The following MCOLN2 variants were observed in gnomAD, a reference collection of about 807,000 sequenced individuals.
MCOLN2 encodes the protein mucolipin TRP cation channel 2, also known as mucolipin-2.
Under a neutral mutation model 67.5 loss-of-function variants are expected in MCOLN2, and 57 were observed. The ratio of observed to expected loss-of-function variants is 0.84; its 90% CI spans 0.68 to 1.05. MCOLN2 has a LOEUF of 1.05. Among genes scored for constraint, MCOLN2 ranks in the 50% least tolerant of loss-of-function variants. MCOLN2 has a pLI of 0.00. For synonymous variants in MCOLN2, 246 were observed against 233.3 expected (o/e 1.05, Z -0.50); for missense variants, 620 against 678.8 (o/e 0.91, Z 0.96).
intron 1 of MCOLN2, 47 bp downstream of exon 1, chr1:84,996,749 G>A (rs1210144512): frequency 1.3e-6 from 2 of 1,551,302 alleles, no homozygotes; most frequent in East Asian, 4.5e-5. Flanking sequence ...ACTTTAGGAA[G>A]ATTTCTCCAG....
intron 2 of MCOLN2, 51 bp downstream of exon 2, chr1:84,965,498 G>C (rs1457661725): frequency 1.3e-5 from 21 of 1,579,462 alleles, no homozygotes; most frequent in Non-Finnish European, 1.7e-5. Flanking sequence ...CATGAAAAGA[G>C]TTTTGTCTTG....
At chr1:84,965,800 A>C in intron 1 of MCOLN2, 92 bp from the exon 2 acceptor site, 1 of 1,191,904 alleles carries the variant, frequency 8.4e-7, no homozygotes, top group Non-Finnish European at 1.2e-6. Context: ...GAGTTGGTAC[A>C]TATGGCATGT....
At chr1:84,951,898 C>T (rs1199494028) in intron 6 of MCOLN2, among the ~76,000 whole-genome samples, 3 of 151,990 alleles carry the variant, frequency 2.0e-5, no homozygotes, top group African/African-American at 7.3e-5. Context: ...CATGGCAAAA[C>T]CCTGTCTTGT....
chr1:84,940,643 TATC>T (rs1647715252), intron 8 of MCOLN2, among the ~76,000 whole-genome samples: 1 of 152,226 alleles, frequency 6.6e-6, no homozygotes, highest in Admixed American at 6.5e-5. Flanking sequence ...CATCTGTACA[TATC>T]AGCTCAGTTT....
Position 84,931,524 on chromosome 1 carries a change from G to A in MCOLN2, c.1380C>T (p.Val460=). The change falls in exon 12 of 14, where the codon GTC becomes GTT. Residue 460 remains valine (V), a synonymous_variant. Transcript: ENST00000370608. ...NTVAECLFSL[V]NGDDMFATFA... ...AGGTTGCAAACATGTCATCACCGTT[G>A]ACCAGAGAAAACAGACACTCAGCAA... is the stretch of plus-strand genomic sequence containing the variant. 2 of 1,614,058 alleles carry A rather than the reference G, an allele frequency of 1.2e-6. No individual in the cohort carries two copies. Among genetic ancestry groups the A allele is most frequent in the Non-Finnish European group, 1.7e-6 (2 of 1,179,984 alleles).
rs534158356 is a variant in MCOLN2 at position 84,931,642 on chromosome 1, T to C, written c.1336-74A>G. The C allele has an allele frequency of 7.3e-6, 9 of 1,235,892 alleles. No individual in the cohort carries two copies. The South Asian group carries it at 1.0e-4, about 14-fold the overall frequency. The allele number at this position is 1,235,892 out of a possible 1,614,324, so 76.6% of individuals were successfully genotyped here. A position where few individuals can be genotyped will look rare whatever the true frequency, so the allele number is the denominator to read the frequency against. ...GCAGAGGATATCTAGTTAGCTTGTT[T>C]TGTTAACATTGTTTTTGTCATTGTA... On this transcript the variant is annotated intron_variant, in intron 11 of 13. Transcript: ENST00000370608.
At chr1:84,930,798 T>C (rs1661368453) in intron 12 of MCOLN2, among the ~76,000 whole-genome samples, 1 of 152,136 alleles carries the variant, frequency 6.6e-6, no homozygotes, top group African/African-American at 2.4e-5. Flanking sequence ...GTGAATAAGG[T>C]ACCAGCACCC....
chr1:84,974,712 G>A (rs1226653615), intron 1 of MCOLN2, among the ~76,000 whole-genome samples: 2 of 152,054 alleles, frequency 1.3e-5, no homozygotes, highest in African/African-American at 4.8e-5. Flanking sequence ...CTATTGGGGG[G>A]TGGAGCAACA....
chr1:84,956,570 C>CTAA lies in MCOLN2; in HGVS notation c.425_426insTTA (p.Lys142delinsAsnTer), dbSNP rs763623636. 4 of 1,586,920 alleles carry CTAA rather than the reference C, an allele frequency of 2.5e-6. No homozygotes were observed. The South Asian group carries it at 4.7e-5, about 19-fold the overall frequency. Reference sequence around the variant, plus strand: ...AACCAAGGGTCCCCAGGGTAATGTCCTTTAGCTGATGATACTATTAAAAAA... The same window carrying CTAA: ...AACCAAGGGTCCCCAGGGTAATGTCCTAATTTAGCTGATGATACTATTAAAAAA... On this transcript the variant is annotated stop_gained and protein_altering_variant, in exon 4 of 14. Transcript: ENST00000370608. LOFTEE classifies it high-confidence loss of function.
At position 84,952,105 on chromosome 1, in the gene MCOLN2, A is replaced by G. The variant is rs946791468; in HGVS notation, c.747+138T>C. Reference sequence around the variant, plus strand: ...ATGTATTAGAAAAAAAGAAAAGAGTATCATATTGTATCACTAAATCTGTTT... The same window carrying G: ...ATGTATTAGAAAAAAAGAAAAGAGTGTCATATTGTATCACTAAATCTGTTT... On this transcript the variant is annotated intron_variant, in intron 6 of 13. Coordinates refer to ENST00000370608, the MANE Select transcript of MCOLN2 (RefSeq NM_153259.4). 26 of 617,480 alleles carry G rather than the reference A, an allele frequency of 4.2e-5. No individual in the cohort carries two copies. The African/African-American group carries it at 4.6e-4, about 11-fold the overall frequency. 38.3% of individuals were successfully genotyped at this position (617,480 alleles called of 1,614,324 possible).
At chr1:84,957,626 G>T (rs1475171979) in intron 3 of MCOLN2, among the ~76,000 whole-genome samples, 1 of 152,004 alleles carries the variant, frequency 6.6e-6, no homozygotes, top group Non-Finnish European at 1.5e-5. Context: ...TCACATTAAA[G>T]AACTCCCTCC....
chr1:84,990,057 G>T (rs1326572175), intron 1 of MCOLN2, among the ~76,000 whole-genome samples: 1 of 152,000 alleles, frequency 6.6e-6, no homozygotes, highest in Non-Finnish European at 1.5e-5. Flanking sequence ...AGCACTTTGG[G>T]AGGCCAAGGC....
intron 2 of MCOLN2, among the ~76,000 whole-genome samples, chr1:84,960,879 C>A (rs116115001): frequency 3.8e-5 from 5 of 132,712 alleles, no homozygotes; most frequent in African/African-American, 1.5e-4. Flanking sequence ...TGGTATACAA[C>A]GTGGAAAAGA....
rs762464418 is a variant in MCOLN2 at position 84,965,599 on chromosome 1, G to A, written c.187C>T (p.Pro63Ser). 6.2e-6 allele frequency: 10 copies of A among 1,614,064 alleles called. No individual in the cohort carries two copies. Among genetic ancestry groups the A allele is most frequent in the East Asian group, 2.2e-5 (1 of 44,864 alleles). Reference protein sequence around the residue: ...CEKYRARRQIPWKLGLQILKI... With the variant: ...CEKYRARRQISWKLGLQILKI... ...AAAATCTGCAAACCCAGTTTCCACG[G>A]AATCTGGCGTCTGGCTCGGTATTTT... Residue 63 changes from proline to serine, a missense_variant, in exon 2 of 14, where the codon CCG becomes TCG. Coordinates refer to ENST00000370608, the MANE Select transcript of MCOLN2 (RefSeq NM_153259.4).
At chr1:84,986,080 G>T (rs1339155170) in intron 1 of MCOLN2, among the ~76,000 whole-genome samples, 3 of 152,158 alleles carry the variant, frequency 2.0e-5, no homozygotes, top group Non-Finnish European at 4.4e-5. Flanking sequence ...GCATGGTACT[G>T]ATATAAAAAC....
At chr1:84,936,312 A>G (rs1272535754) in intron 11 of MCOLN2, among the ~76,000 whole-genome samples, 1 of 152,158 alleles carries the variant, frequency 6.6e-6, no homozygotes, top group East Asian at 1.9e-4. Context: ...ATGGGGTGCA[A>G]AGGAGATGGG....
chr1:84,978,241 C>T lies in MCOLN2; in HGVS notation c.78-12533G>A, dbSNP rs1650087160. Among the ~76,000 whole-genome samples, 3 of 151,078 alleles carry T rather than the reference C, an allele frequency of 2.0e-5. No homozygotes were observed. In the South Asian group the frequency reaches 6.3e-4, roughly 32 times the overall value. On this transcript the variant is annotated intron_variant, in intron 1 of 13. Transcript: ENST00000370608. ...TCTAAGAGATACAGCAAAAGCAGTA[C>T]TAAAAGAGAATTTTATAGCTTTAAC...
At chr1:84,944,489 G>T (rs1647979144) in intron 7 of MCOLN2, among the ~76,000 whole-genome samples, 1 of 151,990 alleles carries the variant, frequency 6.6e-6, no homozygotes, top group South Asian at 2.1e-4. Flanking sequence ...GCAAGATCGT[G>T]CCACTGCACT....
rs1177193613 is a variant in MCOLN2, at chr1:84,939,609, T to A, written c.1054A>T (p.Ile352Phe). 4 of 1,614,038 alleles carry A rather than the reference T, an allele frequency of 2.5e-6. No homozygotes were observed. The highest frequency in any genetic ancestry group is 4.5e-5 in the East Asian group (2 of 44,896). ...FINGWYVLVI[I>F]SDLMTIIGSI... is the part of the protein sequence containing the mutation. Reference sequence around the variant, plus strand: ...CCAATGATTGTCATTAGGTCGCTGATAATCACCAGGACATACCAGCCGTTG... The same window carrying A: ...CCAATGATTGTCATTAGGTCGCTGAAAATCACCAGGACATACCAGCCGTTG... Residue 352 changes from isoleucine (I) to phenylalanine (F), a missense_variant, in exon 9 of 14, where the codon ATC (isoleucine) becomes TTC (phenylalanine). By Grantham distance (21) the Ile-to-Phe change is conservative (BLOSUM62 0). Transcript: ENST00000370608.
Sources: gnomAD v4.1 joint callset for allele counts (sites outside exome capture counted in the v4.1 genomes callset) on GRCh38, gnomAD v4.1.1 for gene constraint, MANE v1.5 for transcripts, NCBI Gene and HGNC (gene_info 2026-07-23, HGNC 2026-07-21) for gene names.